The following DOCK3 variants were observed in gnomAD, a reference collection of about 807,000 sequenced individuals.
DOCK3 encodes dedicator of cytokinesis protein 3.
Under a neutral mutation model 265.6 loss-of-function variants are expected in DOCK3, and 60 were observed. The ratio of observed to expected loss-of-function variants is 0.23; its 90% CI spans 0.18 to 0.28. DOCK3 has a LOEUF of 0.28. Among genes scored for constraint, DOCK3 ranks in the 10% least tolerant of loss-of-function variants. DOCK3 has a pLI of 1.00. For missense variants in DOCK3, 1,981 were observed against 2,594.3 expected (o/e 0.76, Z 5.14); for synonymous variants, 881 against 938.0 (o/e 0.94, Z 1.11).
chr3:50,883,175 G>C (rs1225385859), intron 3 of DOCK3, among the ~76,000 whole-genome samples: 1 of 151,902 alleles, frequency 6.6e-6, no homozygotes, highest in Non-Finnish European at 1.5e-5. Flanking sequence ...CAAATGATGA[G>C]TTAACAGGTG....
At position 51,246,762 on chromosome 3, in the gene DOCK3, C is replaced by G; in HGVS notation, c.2139C>G (p.Cys713Trp). ...LIRCLKWYMDCSAELIRQDHI... is the reference protein window; with the variant it reads ...LIRCLKWYMDWSAELIRQDHI... ...GCTGTTTGAAGTGGTATATGGACTG[C>G]TCAGCAGAACTGATTCGACAGGACC... Residue 713 changes from cysteine to tryptophan, a missense_variant, in exon 22 of 53, where the codon TGC becomes TGG. By Grantham distance (215) the Cys-to-Trp change is radical (BLOSUM62 -2). This residue lies in a region of DOCK3 where 1,357 missense variants were observed against 1,866.8 expected (regional missense o/e 0.73). Transcript: ENST00000266037. 6.2e-7 allele frequency: 1 copy of G among 1,613,622 alleles called. No individual in the cohort carries two copies. The highest frequency in any genetic ancestry group is 8.5e-7 in the Non-Finnish European group (1 of 1,179,752).
intron 1 of DOCK3, among the ~76,000 whole-genome samples, chr3:50,750,595 T>A (rs1473310891): frequency 6.6e-6 from 1 of 152,220 alleles, no homozygotes; most frequent in Non-Finnish European, 1.5e-5. Flanking sequence ...CCCAAAGTGC[T>A]GGGATTACAG....
intron 45 of DOCK3, 21 bp downstream of exon 45, chr3:51,357,862 G>A: frequency 3.1e-6 from 5 of 1,613,956 alleles, no homozygotes; most frequent in Non-Finnish European, 4.2e-6. Flanking sequence ...GAGGGCTTGG[G>A]AACCAGCAGC....
At chr3:51,379,502 C>T (rs2088433471) in intron 51 of DOCK3, 1 of 985,348 alleles carries the variant, frequency 1.0e-6, no homozygotes, top group Non-Finnish European at 1.2e-6. Flanking sequence ...CCAAGAGGCC[C>T]AGCCCTTCCT....
intron 1 of DOCK3, among the ~76,000 whole-genome samples, chr3:50,731,244 T>C (rs2038192297): frequency 6.6e-6 from 1 of 152,228 alleles, no homozygotes; most frequent in South Asian, 2.1e-4. Flanking sequence ...GTGTTGTTTA[T>C]CCGAGAAAGG....
At chr3:51,327,563 C>T (rs2084215913) in intron 32 of DOCK3, among the ~76,000 whole-genome samples, 1 of 151,980 alleles carries the variant, frequency 6.6e-6, no homozygotes, top group Non-Finnish European at 1.5e-5. Flanking sequence ...ATTTTGCATG[C>T]ATTGATATTC....
rs528508698 is a variant in DOCK3, at chr3:51,025,783, C to T, written c.316-38665C>T. ...ACTGGAGACTGGGAATGCCTGCAAG[C>T]CCCTTCCCACTGTTGCTTCTACTTT... On this transcript the variant is annotated intron_variant, in intron 5 of 52. Transcript: ENST00000266037. Among the ~76,000 whole-genome samples the T allele has an allele frequency of 2.6e-5, 4 of 152,332 alleles. No individual in the cohort carries two copies. The South Asian group carries it at 8.3e-4, about 32-fold the overall frequency.
intron 2 of DOCK3, among the ~76,000 whole-genome samples, chr3:50,791,185 C>G (rs1250057742): frequency 6.6e-6 from 1 of 150,930 alleles, no homozygotes; most frequent in East Asian, 1.9e-4. Flanking sequence ...TTTGCCTGTT[C>G]CTATGTTCCG....
chr3:50,980,946 A>G (rs886369046), intron 5 of DOCK3, among the ~76,000 whole-genome samples: 1 of 151,274 alleles, frequency 6.6e-6, no homozygotes. Context: ...TTTCATCTGT[A>G]TTTTGTTTAG....
chr3:51,167,220 C>T (rs1216830518), intron 12 of DOCK3, among the ~76,000 whole-genome samples: 1 of 152,000 alleles, frequency 6.6e-6, no homozygotes, highest in East Asian at 1.9e-4. Flanking sequence ...CTGTCCTTTC[C>T]CCATTGTGTA....
At chr3:51,258,757 T>A (rs2079689033) in intron 22 of DOCK3, among the ~76,000 whole-genome samples, 1 of 152,200 alleles carries the variant, frequency 6.6e-6, no homozygotes, top group Non-Finnish European at 1.5e-5. Context: ...TGTCCTCTGC[T>A]GAGCCCAGCA....
intron 1 of DOCK3, among the ~76,000 whole-genome samples, chr3:50,772,854 A>C (rs1235828207): frequency 6.6e-6 from 1 of 152,186 alleles, no homozygotes; most frequent in Non-Finnish European, 1.5e-5. Flanking sequence ...TAAAATGCCC[A>C]TACTATTTCA....
intron 3 of DOCK3, among the ~76,000 whole-genome samples, chr3:50,854,787 C>T (rs2046510207): frequency 6.6e-6 from 1 of 151,504 alleles, no homozygotes; most frequent in South Asian, 2.1e-4. Context: ...AGTTGTTAAT[C>T]CGTGTTGAGT....
Position 51,083,983 on chromosome 3 carries a change from C to CAAAT in DOCK3, c.550-5240_550-5237dup, listed in dbSNP as rs563530315. Among the ~76,000 whole-genome samples the CAAAT allele has an allele frequency of 9.9e-3, 1,507 of 151,780 alleles. 21 individuals are homozygous for CAAAT. The highest frequency in any genetic ancestry group is 0.028 in the African/African-American group (1,139 of 41,324). On this transcript the variant is annotated intron_variant, in intron 7 of 52. Coordinates refer to ENST00000266037, the MANE Select transcript of DOCK3 (RefSeq NM_004947.5). ...TGGGCGACAGAGCGAGACTCCATCT[C>CAAAT]AAATAAATAAATAAATAAATAAAAG...
intron 1 of DOCK3, among the ~76,000 whole-genome samples, chr3:50,692,244 T>C (rs1021509490): frequency 3.3e-5 from 5 of 152,184 alleles, no homozygotes; most frequent in Non-Finnish European, 5.9e-5. Context: ...TTTGTTTTTG[T>C]TGTTGAAGTG....
intron 21 of DOCK3, among the ~76,000 whole-genome samples, chr3:51,239,051 G>A (rs1179372266): frequency 6.6e-6 from 1 of 152,150 alleles, no homozygotes; most frequent in Non-Finnish European, 1.5e-5. Context: ...TTCCACAATG[G>A]TTGAACTAAT....
intron 27 of DOCK3, among the ~76,000 whole-genome samples, chr3:51,294,514 TA>T (rs1254470417): frequency 4.0e-5 from 6 of 151,834 alleles, no homozygotes; most frequent in Non-Finnish European, 8.8e-5. Context: ...CAGTATCTAC[TA>T]AAAATACAAA....
intron 3 of DOCK3, among the ~76,000 whole-genome samples, chr3:50,864,296 A>AT (rs986248864): frequency 2.0e-5 from 3 of 151,558 alleles, no homozygotes; most frequent in Non-Finnish European, 4.4e-5. Flanking sequence ...TTAAAATTGG[A>AT]TTTTTTTTCT....
chr3:51,038,246 T>C (rs1329050008), intron 5 of DOCK3, among the ~76,000 whole-genome samples: 1 of 152,146 alleles, frequency 6.6e-6, no homozygotes, highest in East Asian at 1.9e-4. Flanking sequence ...GTATATATGG[T>C]AGGTGGGCAG....
Sources: allele counts gnomAD v4.1 joint callset (sites outside exome capture counted in the v4.1 genomes callset), GRCh38; gene constraint gnomAD v4.1.1; regional missense constraint gnomAD v4.1.1; transcripts MANE v1.5; gene names NCBI Gene and HGNC (gene_info 2026-07-23, HGNC 2026-07-21).